Variants in ACOT13 observed in about 807,000 individuals in gnomAD.
ACOT13 encodes the protein acyl-coenzyme A thioesterase 13.
A neutral mutation model predicts 11.8 loss-of-function variants in ACOT13; 10 were observed. That is an observed-to-expected ratio of 0.85 (90% CI 0.53 to 1.44). ACOT13 has a LOEUF of 1.44. Ranked by LOEUF, ACOT13 falls within the 40% of genes most tolerant of loss-of-function variation. ACOT13 has a pLI of 0.00. For missense variants in ACOT13, 172 were observed against 174.1 expected (o/e 0.99, Z 0.07); for synonymous variants, 53 against 61.0 (o/e 0.87, Z 0.61).
intron 2 of ACOT13, among the ~76,000 whole-genome samples, chr6:24,700,451 T>TG (rs1491317656): frequency 7.4e-6 from 1 of 134,950 alleles, no homozygotes; most frequent in Non-Finnish European, 1.6e-5. Flanking sequence ...TTTTTTTTTT[T>TG]GTGAGATGGA....
At position 24,667,318 on chromosome 6, in the gene ACOT13, C is replaced by G; in HGVS notation, c.55C>G (p.Arg19Gly). 6.2e-7 allele frequency: 1 copy of G among 1,614,022 alleles called. No homozygotes were observed. The highest frequency in any genetic ancestry group is 8.5e-7 in the Non-Finnish European group (1 of 1,180,018). Residue 19 changes from arginine to glycine, a missense_variant, in exon 1 of 3, where the codon CGC becomes GGC. By Grantham distance (125) the Arg-to-Gly change is moderately radical (BLOSUM62 -2). Transcript: ENST00000230048. ...GGTGATAAAGGCCATGACCAAGGCT[C>G]GCAATTTTGAGAGAGTTTTGGGAAA... ...REVIKAMTKARNFERVLGKIT... is the reference protein window; with the variant it reads ...REVIKAMTKAGNFERVLGKIT...
At chr6:24,691,820 T>C (rs574888895) in intron 1 of ACOT13, among the ~76,000 whole-genome samples, 6 of 152,340 alleles carry the variant, frequency 3.9e-5, no homozygotes, top group African/African-American at 1.4e-4. Flanking sequence ...TGACTTACGA[T>C]GAGGTCGCAT....
At chr6:24,683,869 T>G (rs771670354) in intron 1 of ACOT13, among the ~76,000 whole-genome samples, 3 of 148,014 alleles carry the variant, frequency 2.0e-5, no homozygotes, top group Non-Finnish European at 4.4e-5. Context: ...GTTCCCAGCT[T>G]GAATTTTCCT....
At chr6:24,668,907 G>A (rs997367321) in intron 1 of ACOT13, among the ~76,000 whole-genome samples, 2 of 152,202 alleles carry the variant, frequency 1.3e-5, no homozygotes, top group Admixed American at 1.3e-4. Context: ...AAAGGTGGGG[G>A]TTTGGAAAGG....
intron 1 of ACOT13, 65 bp from the exon 2 acceptor site, chr6:24,697,818 A>C: frequency 7.4e-7 from 1 of 1,357,132 alleles, no homozygotes; most frequent in South Asian, 1.6e-5. Context: ...ATTGTTCTTC[A>C]TGGGCTTTTT....
chr6:24,699,232 C>T (rs1200205402), intron 2 of ACOT13, among the ~76,000 whole-genome samples: 5 of 122,730 alleles, frequency 4.1e-5, no homozygotes, highest in Non-Finnish European at 6.5e-5. Flanking sequence ...TTTTTTGAGA[C>T]GGAGTCTCGC....
At chr6:24,669,970 A>G (rs2876679) in intron 1 of ACOT13, among the ~76,000 whole-genome samples, 11,245 of 152,268 alleles carry the variant, frequency 0.074, 1,271 homozygotes, top group East Asian at 0.45. Context: ...AAGAAAAGAA[A>G]AAAATTAAAA....
chr6:24,680,281 T>A (rs1778526515), intron 1 of ACOT13, among the ~76,000 whole-genome samples: 1 of 152,192 alleles, frequency 6.6e-6, no homozygotes, highest in African/African-American at 2.4e-5. Flanking sequence ...TTTCTCCCCC[T>A]TGAAGAGGAT....
chr6:24,671,816 A>G (rs1778371303), intron 1 of ACOT13, among the ~76,000 whole-genome samples: 1 of 152,222 alleles, frequency 6.6e-6, no homozygotes, highest in African/African-American at 2.4e-5. Context: ...TCTGTAGCAC[A>G]CAATAATTTT....
chr6:24,677,262 G>C (rs1268143329), intron 1 of ACOT13, among the ~76,000 whole-genome samples: 1 of 152,232 alleles, frequency 6.6e-6, no homozygotes, highest in Non-Finnish European at 1.5e-5. Context: ...TGGAAGAAAT[G>C]TGGCTGTGTT....
chr6:24,686,239 A>C (rs1165186145), intron 1 of ACOT13, among the ~76,000 whole-genome samples: 2 of 152,210 alleles, frequency 1.3e-5, no homozygotes, highest in Admixed American at 6.5e-5. Context: ...TGTTTAGAAA[A>C]GGAGTTTCAT....
intron 2 of ACOT13, among the ~76,000 whole-genome samples, chr6:24,699,752 TAA>T (rs1309372074): frequency 1.3e-5 from 2 of 152,232 alleles, no homozygotes; most frequent in Non-Finnish European, 2.9e-5. Flanking sequence ...TGATTTTCCC[TAA>T]AAGTCTCTAT....
At chr6:24,698,997 C>CCT (rs1778845252) in intron 2 of ACOT13, among the ~76,000 whole-genome samples, 3 of 152,108 alleles carry the variant, frequency 2.0e-5, no homozygotes, top group Non-Finnish European at 4.4e-5. Context: ...GAACAGTGCC[C>CCT]CTCAGGGTCA....
rs916789748 is a variant in ACOT13, at chr6:24,702,723, A to G, written c.*1108A>G. The G allele has an allele frequency of 6.6e-6, 1 of 152,218 alleles. No homozygotes were observed. The highest frequency in any genetic ancestry group is 1.5e-5 in the Non-Finnish European group (1 of 68,038). The allele number at this position is 152,218 out of a possible 1,614,324, so 9.4% of individuals were successfully genotyped here. ...CCATATGCCTAAAAAAGACCTCAAG[A>G]AAAGTTTGAGGCTAAGCATGTTAGT... On this transcript the variant is annotated 3_prime_UTR_variant, in exon 3 of 3. Coordinates refer to ENST00000230048, the MANE Select transcript of ACOT13 (RefSeq NM_018473.4).
chr6:24,673,739 T>C (rs929625028), intron 1 of ACOT13, among the ~76,000 whole-genome samples: 14 of 152,232 alleles, frequency 9.2e-5, no homozygotes, highest in African/African-American at 1.9e-4. Flanking sequence ...TTCGTGTATA[T>C]GTGTCTTTTT....
intron 1 of ACOT13, among the ~76,000 whole-genome samples, chr6:24,688,260 T>A (rs1297892193): frequency 2.6e-5 from 4 of 152,072 alleles, no homozygotes; most frequent in Non-Finnish European, 5.9e-5. Context: ...GGGAAATAGC[T>A]GGGCATGGTG....
At chr6:24,673,820 T>C (rs778543052) in intron 1 of ACOT13, among the ~76,000 whole-genome samples, 5 of 152,216 alleles carry the variant, frequency 3.3e-5, no homozygotes, top group African/African-American at 1.2e-4. Flanking sequence ...CATATACAAT[T>C]TTTTTAAAAC....
intron 1 of ACOT13, among the ~76,000 whole-genome samples, chr6:24,681,085 T>TAA (rs1778540688): frequency 6.6e-6 from 1 of 152,256 alleles, no homozygotes; most frequent in African/African-American, 2.4e-5. Context: ...GGAAATCTGC[T>TAA]GGGTTAAGTG....
chr6:24,682,888 A>AT (rs1464894695), intron 1 of ACOT13, among the ~76,000 whole-genome samples: 1 of 152,174 alleles, frequency 6.6e-6, no homozygotes, highest in Non-Finnish European at 1.5e-5. Flanking sequence ...TTGTATCCCG[A>AT]TCCTTGTCCC....
Sources: allele counts gnomAD v4.1 joint callset (sites outside exome capture counted in the v4.1 genomes callset), GRCh38; gene constraint gnomAD v4.1.1; transcripts MANE v1.5; gene names NCBI Gene and HGNC (gene_info 2026-07-23, HGNC 2026-07-21).